Variants in WDTC1 observed in about 807,000 individuals in gnomAD.
WDTC1 encodes WD and tetratricopeptide repeats 1, also known as WD and tetratricopeptide repeats protein 1.
WDTC1 carries 12 observed loss-of-function variants against 76.0 expected under a neutral mutation model. The observed-to-expected ratio is 0.16, with a 90% CI of 0.10 to 0.26. WDTC1 has a LOEUF of 0.26. WDTC1 is among the 10% of genes least tolerant of loss of function. WDTC1 has a pLI of 1.00. For missense variants in WDTC1, 511 were observed against 908.8 expected, an observed-to-expected ratio of 0.56 and a Z score of 5.63; for synonymous variants, 326 against 350.8, an observed-to-expected ratio of 0.93 and a Z score of 0.79.
At chr1:27,251,983 G>A (rs2012080756) in intron 1 of WDTC1, among the ~76,000 whole-genome samples, 1 of 152,132 alleles carries the variant, frequency 6.6e-6, no homozygotes, top group South Asian at 2.1e-4. Context: ...GGGAGGCAGA[G>A]GTTGTAGTGA....
chr1:27,260,174 G>T (rs1332461297), intron 1 of WDTC1, among the ~76,000 whole-genome samples: 1 of 151,960 alleles, frequency 6.6e-6, no homozygotes, highest in African/African-American at 2.4e-5. Flanking sequence ...GCGCAATCTC[G>T]GCTCACTGCA....
At chr1:27,267,042 C>T (rs1303279746) in intron 3 of WDTC1, among the ~76,000 whole-genome samples, 1 of 152,178 alleles carries the variant, frequency 6.6e-6, no homozygotes, top group Non-Finnish European at 1.5e-5. Flanking sequence ...ATAACCTTAT[C>T]CCTATTCAAC....
intron 7 of WDTC1, 103 bp from the exon 8 acceptor site, chr1:27,293,919 G>C: frequency 9.1e-7 from 1 of 1,104,652 alleles, no homozygotes; most frequent in Non-Finnish European, 1.3e-6. Context: ...AATACCTCCT[G>C]TATGTCTCAG....
intron 5 of WDTC1, among the ~76,000 whole-genome samples, chr1:27,286,583 C>T (rs1022867311): frequency 2.0e-5 from 3 of 150,588 alleles, no homozygotes; most frequent in Non-Finnish European, 4.4e-5. Flanking sequence ...CATCCTCCTG[C>T]CTCAGCCTCC....
rs2013920647 is a variant in WDTC1 at position 27,305,061 on chromosome 1, G to A, written c.1704G>A (p.Glu568=). 6.2e-7 allele frequency: 1 copy of A among 1,613,904 alleles called. No homozygotes were observed. Among genetic ancestry groups the A allele is most frequent in the South Asian group, 1.1e-5 (1 of 91,084 alleles). ...GCTCCTTCTTCATCTGGGAAAAGGA[G>A]ACCACCAACCTGGTCCGTGTGCTCC... The part of the protein sequence containing the change: ...DDGSFFIWEK[E]TTNLVRVLQG... Residue 568 remains glutamate (E), a synonymous_variant, in exon 15 of 16, where the codon GAG becomes GAA. Coordinates refer to ENST00000319394, the MANE Select transcript of WDTC1 (RefSeq NM_001276252.2). The surrounding 1 kb of genome is among the most constrained non-coding windows in gnomAD (Gnocchi z 4.6).
chr1:27,237,116 G>A (rs969577637), intron 1 of WDTC1, among the ~76,000 whole-genome samples: 7 of 152,156 alleles, frequency 4.6e-5, no homozygotes, highest in African/African-American at 1.7e-4. Flanking sequence ...GATTACAGGT[G>A]TGAGCCACCG....
intron 1 of WDTC1, among the ~76,000 whole-genome samples, chr1:27,251,087 C>T (rs1166567278): frequency 3.9e-5 from 4 of 102,332 alleles, no homozygotes; most frequent in Non-Finnish European, 7.2e-5. Context: ...GACAGGGTTT[C>T]ACCATATTGG....
intron 6 of WDTC1, 146 bp downstream of exon 6, chr1:27,288,007 A>G: frequency 2.9e-6 from 3 of 1,031,546 alleles, no homozygotes; most frequent in Non-Finnish European, 4.2e-6. Flanking sequence ...TACAAACTCC[A>G]CTGGGAACAT....
At chr1:27,243,062 T>C (rs1407540009) in intron 1 of WDTC1, among the ~76,000 whole-genome samples, 2 of 152,206 alleles carry the variant, frequency 1.3e-5, no homozygotes, top group African/African-American at 4.8e-5. Context: ...AATGGCACTC[T>C]TTAAATTTGT....
chr1:27,250,870 T>TC (rs1420219633), intron 1 of WDTC1, among the ~76,000 whole-genome samples: 1 of 150,272 alleles, frequency 6.7e-6, no homozygotes, highest in African/African-American at 2.5e-5. Context: ...CTTGTTTTTT[T>TC]TTTTTTTCTT....
chr1:27,290,723 C>A (rs1205734668), intron 6 of WDTC1, among the ~76,000 whole-genome samples: 1 of 152,192 alleles, frequency 6.6e-6, no homozygotes, highest in African/African-American at 2.4e-5. Flanking sequence ...CTTAGAACTT[C>A]TTTCTTATCT....
At chr1:27,291,360 G>A (rs1215313082) in intron 6 of WDTC1, among the ~76,000 whole-genome samples, 1 of 152,210 alleles carries the variant, frequency 6.6e-6, no homozygotes, top group African/African-American at 2.4e-5. Flanking sequence ...AAGTATTGAG[G>A]AATCTCTGCA....
At chr1:27,265,617 C>A (rs1318094956) in intron 3 of WDTC1, among the ~76,000 whole-genome samples, 1 of 151,756 alleles carries the variant, frequency 6.6e-6, no homozygotes, top group Non-Finnish European at 1.5e-5. Flanking sequence ...TGCCACTGCA[C>A]TCCAGCCTGG....
chr1:27,254,170 T>C lies in WDTC1; in HGVS notation c.-99-6786T>C, dbSNP rs531941193. Among the ~76,000 whole-genome samples, 105 of 152,338 alleles carry C rather than the reference T, an allele frequency of 6.9e-4. 1 individual carries two copies. Among genetic ancestry groups the C allele is most frequent in the African/African-American group, 1.9e-3 (79 of 41,594 alleles). On this transcript the variant is annotated intron_variant, in intron 1 of 15. Transcript: ENST00000319394. ...AAATAAAGTGTTTCTAGTTAGTTTGTCTGCCTGTAAAAGCTTGTGGAAAGG... is the reference window on the plus strand; with the variant it reads ...AAATAAAGTGTTTCTAGTTAGTTTGCCTGCCTGTAAAAGCTTGTGGAAAGG...
chr1:27,244,372 A>C (rs2011740154), intron 1 of WDTC1, among the ~76,000 whole-genome samples: 2 of 152,060 alleles, frequency 1.3e-5, no homozygotes, highest in South Asian at 2.1e-4. Flanking sequence ...ACTTTGTCAC[A>C]CGGGCTGGAG....
chr1:27,247,906 C>T (rs575646155), intron 1 of WDTC1, among the ~76,000 whole-genome samples: 91 of 152,056 alleles, frequency 6.0e-4, no homozygotes, highest in Middle Eastern at 3.4e-3. Context: ...TTAGTAGAGA[C>T]GGGGTTTCTC....
In WDTC1 at chr1:27,295,707, A is replaced by C. The variant is rs1399063679; in HGVS notation, c.874-619A>C. On this transcript the variant is annotated intron_variant, in intron 9 of 15. Transcript: ENST00000319394. ...TGACCTCAGGTGATCCGCCCACCTC[A>C]CCCTCCCAAATGCTGGGATTACAGG... Among the ~76,000 whole-genome samples the C allele has an allele frequency of 9.2e-5, 14 of 151,750 alleles. No individual in the cohort carries two copies. In the East Asian group the frequency reaches 2.7e-3, roughly 30 times the overall value.
intron 7 of WDTC1, 123 bp downstream of exon 7, chr1:27,292,520 C>G: frequency 1.1e-6 from 1 of 887,946 alleles, no homozygotes; most frequent in Non-Finnish European, 1.6e-6. Context: ...CTCAACCTCC[C>G]AGGCTCAAGC....
At chr1:27,238,102 G>A (rs765249712) in intron 1 of WDTC1, among the ~76,000 whole-genome samples, 1 of 152,126 alleles carries the variant, frequency 6.6e-6, no homozygotes, top group Non-Finnish European at 1.5e-5. Context: ...TGAAGAAACA[G>A]ATTCAGAGAA....
Sources: gnomAD v4.1 joint callset for allele counts (sites outside exome capture counted in the v4.1 genomes callset) on GRCh38, gnomAD v4.1.1 for gene constraint, Gnocchi (gnomAD v3.1) non-coding constraint, MANE v1.5 for transcripts, NCBI Gene and HGNC (gene_info 2026-07-23, HGNC 2026-07-21) for gene names.